Variants in ITCH observed in about 807,000 individuals in gnomAD.
The protein encoded by ITCH is E3 ubiquitin-protein ligase Itchy homolog.
A neutral mutation model predicts 126.8 loss-of-function variants in ITCH; 28 were observed. The observed-to-expected ratio is 0.22, with a 90% CI of 0.16 to 0.30. The LOEUF is 0.30. Ranked by LOEUF, ITCH falls within the 10% of genes least tolerant of loss-of-function variation. The pLI is 1.00. For missense variants in ITCH, 631 were observed against 1,032.4 expected, an observed-to-expected ratio of 0.61 and a Z score of 5.33; for synonymous variants, 342 against 340.0, an observed-to-expected ratio of 1.01 and a Z score of -0.06.
chr20:34,377,640 G>A (rs1475432421), intron 2 of ITCH, among the ~76,000 whole-genome samples: 1 of 151,972 alleles, frequency 6.6e-6, no homozygotes, highest in Non-Finnish European at 1.5e-5. Flanking sequence ...AAGGTGGGCA[G>A]ATCGCTTGAG....
rs1043886690 is a variant in ITCH at position 34,423,494 on chromosome 20, G to A, written c.476-986G>A. Among the ~76,000 whole-genome samples the A allele has an allele frequency of 3.3e-5, 5 of 152,096 alleles. No homozygotes were observed. The East Asian group carries it at 9.7e-4, about 29-fold the overall frequency. On this transcript the variant is annotated intron_variant, in intron 6 of 24. Transcript: ENST00000374864. ...GTTCCTTTACTAAATGGACCTAGGTGGTCGAACTTGAGTTCTTGTTTCTAC... is the reference window on the plus strand; with the variant it reads ...GTTCCTTTACTAAATGGACCTAGGTAGTCGAACTTGAGTTCTTGTTTCTAC...
intron 10 of ITCH, among the ~76,000 whole-genome samples, chr20:34,443,954 C>G (rs1019443112): frequency 6.6e-6 from 1 of 152,126 alleles, no homozygotes. Flanking sequence ...CCACTGTACT[C>G]CTGGGCAACA....
intron 3 of ITCH, among the ~76,000 whole-genome samples, chr20:34,405,944 A>G (rs2146132840): frequency 6.6e-6 from 1 of 151,612 alleles, no homozygotes; most frequent in African/African-American, 2.4e-5. Context: ...TCTGGTCCCC[A>G]CTTGAATATT....
intron 10 of ITCH, among the ~76,000 whole-genome samples, chr20:34,443,543 T>A (rs550865498): frequency 6.6e-6 from 1 of 152,106 alleles, no homozygotes; most frequent in Non-Finnish European, 1.5e-5. Flanking sequence ...AGAAAAAATA[T>A]TTTTTAATCC....
intron 3 of ITCH, among the ~76,000 whole-genome samples, chr20:34,394,527 C>T (rs2038604976): frequency 6.6e-6 from 1 of 152,152 alleles, no homozygotes; most frequent in Non-Finnish European, 1.5e-5. Flanking sequence ...TGACTACAGT[C>T]GTGCACCACC....
intron 3 of ITCH, chr20:34,402,280 CA>C (rs2038914256): frequency 8.2e-7 from 1 of 1,226,096 alleles, no homozygotes; most frequent in African/African-American, 1.5e-5. Flanking sequence ...GTCTTCAGGT[CA>C]TGGGCCAGCT....
In ITCH at chr20:34,492,565, G is replaced by A; in HGVS notation, c.2384G>A (p.Arg795Gln). The change falls in exon 23 of 25, where the codon CGA becomes CAA. Residue 795 changes from arginine (R) to glutamine (Q), a missense_variant. Physicochemically the swap from Arg to Gln is conservative, Grantham distance 43. Around this residue, in one of 4 missense-constraint regions of ITCH, gnomAD observed 390 missense variants for 731.6 expected, o/e 0.53. Coordinates refer to ENST00000374864, the MANE Select transcript of ITCH (RefSeq NM_031483.7). ...RLLQFVTGTC[R>Q]LPVGGFADLM... is the part of the protein sequence containing the mutation. ...CTGCAGTTTGTTACTGGAACCTGCCGATTGCCAGTAGGAGGATTTGCTGAT... is the reference window on the plus strand; with the variant it reads ...CTGCAGTTTGTTACTGGAACCTGCCAATTGCCAGTAGGAGGATTTGCTGAT... 6.2e-7 allele frequency: 1 copy of A among 1,612,756 alleles called. No individual in the cohort carries two copies. The highest frequency in any genetic ancestry group is 8.5e-7 in the Non-Finnish European group (1 of 1,178,806).
At chr20:34,480,820 A>G in intron 19 of ITCH, 88 bp downstream of exon 19, 1 of 1,134,504 alleles carries the variant, frequency 8.8e-7, no homozygotes, top group South Asian at 1.4e-5. Context: ...GTAGGCACAT[A>G]ATTGGTTTAT....
At chr20:34,380,073 T>A (rs2038000047) in intron 2 of ITCH, among the ~76,000 whole-genome samples, 1 of 152,052 alleles carries the variant, frequency 6.6e-6, no homozygotes, top group Non-Finnish European at 1.5e-5. Flanking sequence ...ATTTTTGTAT[T>A]TTTTAATAGA....
chr20:34,400,233 G>A (rs952649306), intron 3 of ITCH, among the ~76,000 whole-genome samples: 4 of 152,004 alleles, frequency 2.6e-5, no homozygotes, highest in Non-Finnish European at 2.9e-5. Flanking sequence ...CACTGCGCCC[G>A]GCCAAAAATT....
At chr20:34,418,757 C>CTTTTTTTTTTTTTTTTT (rs373974620) in intron 6 of ITCH, among the ~76,000 whole-genome samples, 1 of 116,534 alleles carries the variant, frequency 8.6e-6, no homozygotes, top group Non-Finnish European at 1.7e-5. Context: ...TCTTTTTTTC[C>CTTTTTTTTTTTTTTTTT]TTTTTTTTTT....
At chr20:34,400,677 G>A (rs1263206990) in intron 3 of ITCH, among the ~76,000 whole-genome samples, 3 of 101,920 alleles carry the variant, frequency 2.9e-5, no homozygotes, top group African/African-American at 7.9e-5. Context: ...AGACAGTTTC[G>A]TTCTGTCGCC....
At chr20:34,451,820 C>T (rs750176954) in intron 12 of ITCH, among the ~76,000 whole-genome samples, 42 of 152,088 alleles carry the variant, frequency 2.8e-4, no homozygotes, top group Non-Finnish European at 3.2e-4. Context: ...GTCATCTCAG[C>T]GCTTTGGGAG....
chr20:34,484,273 G>A (rs1988959791), intron 20 of ITCH, among the ~76,000 whole-genome samples: 1 of 152,086 alleles, frequency 6.6e-6, no homozygotes, highest in Non-Finnish European at 1.5e-5. Context: ...CTTCTCAATA[G>A]CAATTCTTTC....
chr20:34,488,702 G>A (rs573339049), intron 20 of ITCH, among the ~76,000 whole-genome samples: 1 of 151,856 alleles, frequency 6.6e-6, no homozygotes, highest in Admixed American at 6.6e-5. Flanking sequence ...GACAGAGCGC[G>A]ACCCTGTCTC....
intron 20 of ITCH, among the ~76,000 whole-genome samples, chr20:34,483,410 C>T (rs892821065): frequency 6.6e-5 from 10 of 152,164 alleles, no homozygotes; most frequent in African/African-American, 2.2e-4. Context: ...TGCTTTGCTA[C>T]GTAGAAATTT....
At chr20:34,368,512 A>T (rs918584598) in intron 1 of ITCH, among the ~76,000 whole-genome samples, 16 of 152,026 alleles carry the variant, frequency 1.1e-4, no homozygotes, top group Non-Finnish European at 2.4e-4. Context: ...GCTGTAAATG[A>T]TACTGGCTTT....
At chr20:34,462,285 A>T in intron 14 of ITCH, 64 bp downstream of exon 14, 4 of 1,518,390 alleles carry the variant, frequency 2.6e-6, no homozygotes, top group Non-Finnish European at 2.7e-6. Context: ...TGATATAAAG[A>T]TTTGTATTAG....
intron 22 of ITCH, among the ~76,000 whole-genome samples, chr20:34,491,283 G>GC (rs1678602636): frequency 6.6e-6 from 1 of 152,172 alleles, no homozygotes; most frequent in Non-Finnish European, 1.5e-5. Context: ...TTTAAGATAA[G>GC]CGAAGTAAGC....
Sources: gnomAD v4.1 joint callset for allele counts (sites outside exome capture counted in the v4.1 genomes callset) on GRCh38, gnomAD v4.1.1 for gene constraint, gnomAD v4.1.1 regional missense constraint, MANE v1.5 for transcripts, NCBI Gene and HGNC (gene_info 2026-07-23, HGNC 2026-07-21) for gene names.